PRXL2A: variants seen among roughly 807,000 people sequenced by gnomAD.
PRXL2A encodes peroxiredoxin like 2A, also known as peroxiredoxin-like 2A.
PRXL2A carries 26 observed loss-of-function variants against 25.6 expected under a neutral mutation model. The observed-to-expected ratio is 1.02, with a 90% CI of 0.74 to 1.41. PRXL2A has a LOEUF of 1.41. PRXL2A is among the 40% of genes most tolerant of loss of function. PRXL2A has a pLI of 0.00. For missense variants in PRXL2A, 246 were observed against 273.9 expected (o/e 0.90, Z 0.72); for synonymous variants, 98 against 102.9 (o/e 0.95, Z 0.29).
At chr10:80,413,855 A>G in intron 1 of PRXL2A, 1 of 1,214,770 alleles carries the variant, frequency 8.2e-7, no homozygotes, top group Non-Finnish European at 1.1e-6. Flanking sequence ...CAAGAGAAGC[A>G]GAGGTGTGGA....
intron 1 of PRXL2A, among the ~76,000 whole-genome samples, chr10:80,412,858 G>C (rs963516357): frequency 6.6e-6 from 1 of 152,132 alleles, no homozygotes; most frequent in African/African-American, 2.4e-5. Context: ...TGAACACAAG[G>C]GAAAGGTGTA....
chr10:80,409,740 A>G (rs1347203239), intron 1 of PRXL2A, among the ~76,000 whole-genome samples: 2 of 152,160 alleles, frequency 1.3e-5, no homozygotes, highest in Admixed American at 6.5e-5. Context: ...GAGGGTAATC[A>G]TTGCTCTAGA....
intron 1 of PRXL2A, among the ~76,000 whole-genome samples, chr10:80,416,567 A>G (rs976937411): frequency 2.0e-5 from 3 of 152,202 alleles, no homozygotes; most frequent in Non-Finnish European, 2.9e-5. Context: ...GTTGTGAAGC[A>G]CAGAATGAAA....
chr10:80,417,754 TTTTG>T (rs1844713774), intron 1 of PRXL2A, among the ~76,000 whole-genome samples: 1 of 91,152 alleles, frequency 1.1e-5, no homozygotes, highest in Non-Finnish European at 2.0e-5. Flanking sequence ...ATCTTTTTTT[TTTTG>T]TTTTTTTTTT....
At position 80,420,618 on chromosome 10, in the gene PRXL2A, G is replaced by A. The variant is rs1323682270; in HGVS notation, c.151G>A (p.Asp51Asn). 6.2e-7 allele frequency: 1 copy of A among 1,612,096 alleles called. No individual in the cohort carries two copies. The highest frequency in any genetic ancestry group is 8.5e-7 in the Non-Finnish European group (1 of 1,178,922). Residue 51 changes from aspartate to asparagine, a missense_variant, in exon 2 of 6, where the codon GAT (aspartate) becomes AAT (asparagine). By Grantham distance (23) the Asp-to-Asn change is conservative. Transcript: ENST00000606162. Reference sequence around the variant, plus strand: ...GAAAGCGGCCCTGGAGTACCTGGAGGATATAGACCTGAAAACACTGGAGAA... The same window carrying A: ...GAAAGCGGCCCTGGAGTACCTGGAGAATATAGACCTGAAAACACTGGAGAA... Reference protein sequence around the residue: ...PQKAALEYLEDIDLKTLEKEP... With the variant: ...PQKAALEYLENIDLKTLEKEP...
At position 80,434,590 on chromosome 10, in the gene PRXL2A, A is replaced by G. The variant is rs1048552817; in HGVS notation, c.*2491A>G. The G allele has an allele frequency of 2.0e-5, 3 of 152,220 alleles. No individual in the cohort carries two copies. The highest frequency in any genetic ancestry group is 2.4e-5 in the African/African-American group (1 of 41,454). The allele number at this position is 152,220 out of a possible 1,614,324, so 9.4% of individuals were successfully genotyped here. A position where few individuals can be genotyped will look rare whatever the true frequency, so the allele number is the denominator to read the frequency against. On this transcript the variant is annotated 3_prime_UTR_variant, in exon 6 of 6. Coordinates refer to ENST00000606162, the MANE Select transcript of PRXL2A (RefSeq NM_032333.5). The stretch of plus-strand genomic sequence containing the variant: ...CAGTATAGAACTGAGCTTAGCTCCA[A>G]TCTGTGCAGAGGTGATGGAATTTTA...
chr10:80,417,689 A>T (rs1225472199), intron 1 of PRXL2A, among the ~76,000 whole-genome samples: 1 of 150,188 alleles, frequency 6.7e-6, no homozygotes, highest in Non-Finnish European at 1.5e-5. Flanking sequence ...TCTTTCTTAG[A>T]TGTTGTTTTT....
chr10:80,408,920 C>A, intron 1 of PRXL2A: 4 of 486,964 alleles, frequency 8.2e-6, no homozygotes, highest in Non-Finnish European at 1.1e-5. Flanking sequence ...GGCGCTGCTG[C>A]GGCGGGCTAG....
upstream of PRXL2A, among the ~76,000 whole-genome samples, chr10:80,408,263 C>A (rs1348456732): frequency 1.3e-5 from 2 of 152,140 alleles, no homozygotes; most frequent in East Asian, 3.9e-4. Flanking sequence ...ACAGGTGCTT[C>A]CAGGCTCCAT....
At chr10:80,413,891 C>G (rs1844558844) in intron 1 of PRXL2A, 2 of 1,238,082 alleles carry the variant, frequency 1.6e-6, no homozygotes, top group Non-Finnish European at 2.1e-6. Context: ...GTGCCTTGTT[C>G]CCAAGTTTGA....
intron 3 of PRXL2A, among the ~76,000 whole-genome samples, chr10:80,424,543 C>T (rs1844973227): frequency 6.8e-6 from 1 of 147,300 alleles, no homozygotes; most frequent in Admixed American, 6.9e-5. Flanking sequence ...ATGATTGTGC[C>T]ACTGTAGTTG....
Position 80,422,506 on chromosome 10 carries a change from G to A in PRXL2A, c.268G>A (p.Glu90Lys), listed in dbSNP as rs770698279. The change falls in exon 3 of 6, where the codon GAG (glutamate) becomes AAG (lysine). Residue 90 changes from glutamate to lysine, a missense_variant and splice_region_variant. Physicochemically the swap from Glu to Lys is moderately conservative, Grantham distance 56. Transcript: ENST00000606162. ...GAGGCCAGGCTGTTTCCTCTGTCGAGAGGTGAGTGCAGATGAGGATCTATT... is the reference window on the plus strand; with the variant it reads ...GAGGCCAGGCTGTTTCCTCTGTCGAAAGGTGAGTGCAGATGAGGATCTATT... ...VRRPGCFLCR[E>K]EAADLSSLKS... The A allele has an allele frequency of 2.5e-6, 4 of 1,613,306 alleles. No homozygotes were observed. In the Admixed American group the frequency reaches 6.7e-5, roughly 27 times the overall value.
intron 2 of PRXL2A, 125 bp from the exon 3 acceptor site, chr10:80,422,292 G>C: frequency 1.6e-6 from 1 of 637,118 alleles, no homozygotes; most frequent in Non-Finnish European, 2.8e-6. Flanking sequence ...CGTGTGAAAT[G>C]CCTGTCCAGG....
At chr10:80,419,943 G>C (rs3802637) in intron 1 of PRXL2A, 717,099 of 983,858 alleles carry the variant, frequency 0.73, 263,743 homozygotes, top group East Asian at 0.97. Flanking sequence ...TTGGAGGGTC[G>C]TCAAACTAAA....
At chr10:80,427,611 C>A in intron 5 of PRXL2A, 115 bp downstream of exon 5, 1 of 1,011,118 alleles carries the variant, frequency 9.9e-7, no homozygotes. Context: ...CCTAGCCTTC[C>A]TTCTAGCAAG....
At chr10:80,410,491 G>A (rs1429473571) in intron 1 of PRXL2A, among the ~76,000 whole-genome samples, 1 of 152,150 alleles carries the variant, frequency 6.6e-6, no homozygotes, top group Non-Finnish European at 1.5e-5. Context: ...TCACTATTTT[G>A]TGCCTGTCCT....
In PRXL2A at chr10:80,424,356, C is replaced by T. The variant is rs538633971; in HGVS notation, c.271-1510C>T. On this transcript the variant is annotated intron_variant, in intron 3 of 5. Transcript: ENST00000606162. ...GGCTGAGGTGAGAAGATCACTTGAG[C>T]CCAGGAATTTGAGACCACCCTAGGC... is the stretch of plus-strand genomic sequence containing the variant. 2.5e-5 allele frequency among the ~76,000 whole-genome samples: 3 copies of T among 121,426 alleles called. No individual in the cohort carries two copies. In the Admixed American group the frequency reaches 3.1e-4, roughly 13 times the overall value. 79.7% of individuals were successfully genotyped at this position (121,426 alleles called of 152,430 possible).
In PRXL2A at chr10:80,432,139, TC is replaced by T. The variant is rs752714372; in HGVS notation, c.*41del. ...CCAGCTCAGGGATAACCAGGGACATTCACCTGTGTTCATGGGATGTATTGTT... is the reference window on the plus strand; with the variant it reads ...CCAGCTCAGGGATAACCAGGGACATTACCTGTGTTCATGGGATGTATTGTT... On this transcript the variant is annotated 3_prime_UTR_variant, in exon 6 of 6. Coordinates refer to ENST00000606162, the MANE Select transcript of PRXL2A (RefSeq NM_032333.5). 4.9e-6 allele frequency: 6 copies of T among 1,217,252 alleles called. No homozygotes were observed. The East Asian group carries it at 1.2e-4, about 24-fold the overall frequency. The allele number at this position is 1,217,252 out of a possible 1,614,324, so 75.4% of individuals were successfully genotyped here.
At chr10:80,430,389 G>T (rs552972184) in intron 5 of PRXL2A, among the ~76,000 whole-genome samples, 3 of 152,126 alleles carry the variant, frequency 2.0e-5, no homozygotes, top group Non-Finnish European at 4.4e-5. Flanking sequence ...GGCGTGAGCC[G>T]CCGCACCCTG....
Sources: gnomAD v4.1 joint callset for allele counts (sites outside exome capture counted in the v4.1 genomes callset) on GRCh38, gnomAD v4.1.1 for gene constraint, MANE v1.5 for transcripts, NCBI Gene and HGNC (gene_info 2026-07-23, HGNC 2026-07-21) for gene names.